ADGRF1: variants seen among roughly 807,000 people sequenced by gnomAD.
ADGRF1 encodes adhesion G protein-coupled receptor F1, also known as G protein-coupled receptor 110.
ADGRF1 carries 85 observed loss-of-function variants against 87.2 expected under a neutral mutation model. The ratio of observed to expected loss-of-function variants is 0.97; its 90% CI spans 0.82 to 1.17. The LOEUF (loss-of-function observed/expected upper bound fraction) is 1.17. Among genes scored for constraint, ADGRF1 ranks in the 50% most tolerant of loss-of-function variants. The pLI is 0.00. For missense variants in ADGRF1, 1,169 were observed against 1,077.2 expected (o/e 1.09, Z -1.19); for synonymous variants, 430 against 408.8 (o/e 1.05, Z -0.63).
intron 10 of ADGRF1, among the ~76,000 whole-genome samples, chr6:47,011,159 G>A (rs1318474926): frequency 6.6e-6 from 1 of 151,956 alleles, no homozygotes; most frequent in African/African-American, 2.4e-5. Flanking sequence ...TAGCATTTTT[G>A]TGTCATTTTG....
intron 13 of ADGRF1, among the ~76,000 whole-genome samples, chr6:47,004,380 C>A (rs1490087721): frequency 6.6e-6 from 1 of 152,142 alleles, no homozygotes; most frequent in East Asian, 1.9e-4. Flanking sequence ...AACAAAATCT[C>A]ATTTTTGTCA....
chr6:47,005,968 T>C (rs1042410016), intron 12 of ADGRF1, 92 bp from the exon 13 acceptor site: 1 of 730,580 alleles, frequency 1.4e-6, no homozygotes, highest in Non-Finnish European at 2.3e-6. Context: ...GGTTATTTAA[T>C]AGTATTATTT....
rs1780333048 is a variant in ADGRF1 at position 47,029,040 on chromosome 6, G to C, written c.22C>G (p.Leu8Val). 1.2e-6 allele frequency: 2 copies of C among 1,613,994 alleles called. No homozygotes were observed. ...TCAGTGAAGGTGAAGAAAGAAATGAGCCACAGCACTCCAACTTTCATTTTC... is the reference window on the plus strand; with the variant it reads ...TCAGTGAAGGTGAAGAAAGAAATGACCCACAGCACTCCAACTTTCATTTTC... MKVGVLWLISFFTFTDGH... is the reference protein window; with the variant it reads MKVGVLWVISFFTFTDGH... The change falls in exon 2 of 15, where the codon CTC becomes GTC. Residue 8 changes from leucine (L) to valine (V), a missense_variant. By Grantham distance (32) the Leu-to-Val change is conservative. Transcript: ENST00000371253.
chr6:47,027,826 TGA>T, intron 2 of ADGRF1, 65 bp from the exon 3 acceptor site: 1 of 944,404 alleles, frequency 1.1e-6, no homozygotes, highest in Non-Finnish European at 1.7e-6. Context: ...AAGGCCTTGC[TGA>T]GTTTCCCAGA....
At position 46,999,821 on chromosome 6, in the gene ADGRF1, C is replaced by T. The variant is rs1421961461; in HGVS notation, c.*401G>A. The T allele has an allele frequency of 2.0e-5, 3 of 153,222 alleles. No individual in the cohort carries two copies. Among genetic ancestry groups the T allele is most frequent in the African/African-American group, 7.2e-5 (3 of 41,480 alleles). The allele number at this position is 153,222 out of a possible 1,614,324, so 9.5% of individuals were successfully genotyped here. Reference sequence around the variant, plus strand: ...CATCCCCCCACCAGTAACTTTTTGACAAGAAAATGAACGTGGCCTATTAAT... The same window carrying T: ...CATCCCCCCACCAGTAACTTTTTGATAAGAAAATGAACGTGGCCTATTAAT... On this transcript the variant is annotated 3_prime_UTR_variant, in exon 15 of 15. Transcript: ENST00000371253.
chr6:47,009,399 C>G lies in ADGRF1; in HGVS notation c.2036G>C (p.Gly679Ala). The change falls in exon 11 of 15, where the codon GGC becomes GCC. Residue 679 changes from glycine (G) to alanine (A), a missense_variant. Gly to Ala is a moderately conservative substitution (Grantham distance 60). Transcript: ENST00000371253. ...LSLFFWMLML[G>A]ILLAYRIILV... ...GATGATCCGGTAAGCCAGCAGGATGCCAAGCATGAGCATCCAGAAGAACAA... is the reference window on the plus strand; with the variant it reads ...GATGATCCGGTAAGCCAGCAGGATGGCAAGCATGAGCATCCAGAAGAACAA... The G allele has an allele frequency of 3.7e-6, 6 of 1,613,918 alleles. No homozygotes were observed. Among genetic ancestry groups the G allele is most frequent in the Non-Finnish European group, 5.1e-6 (6 of 1,179,960 alleles).
At chr6:47,019,542 G>A (rs920935147) in intron 7 of ADGRF1, 5 of 287,078 alleles carry the variant, frequency 1.7e-5, no homozygotes, top group Non-Finnish European at 2.6e-5. Context: ...AAATTAGCCA[G>A]GCGTGGTGGC....
chr6:47,014,577 T>C, intron 9 of ADGRF1, 104 bp downstream of exon 9: 2 of 1,517,356 alleles, frequency 1.3e-6, no homozygotes, highest in Non-Finnish European at 1.8e-6. Context: ...TACTGGCCAA[T>C]GATGCACGTA....
intron 8 of ADGRF1, among the ~76,000 whole-genome samples, chr6:47,015,713 G>A (rs890575971): frequency 1.3e-5 from 2 of 151,076 alleles, no homozygotes; most frequent in East Asian, 3.9e-4. Context: ...TTGGCCTCTC[G>A]AGTAGCTGGG....
chr6:47,041,446 A>C (rs771197474), intron 1 of ADGRF1, among the ~76,000 whole-genome samples: 2 of 152,212 alleles, frequency 1.3e-5, no homozygotes, highest in Non-Finnish European at 2.9e-5. Flanking sequence ...CCTTCTTTCT[A>C]TATCTCCTTC....
Position 47,017,097 on chromosome 6 carries a change from A to T in ADGRF1, c.612-329T>A, listed in dbSNP as rs868278083. The T allele has an allele frequency of 5.4e-4, 83 of 153,752 alleles. 1 individual carries two copies. The highest frequency in any genetic ancestry group is 7.1e-4 in the Non-Finnish European group (49 of 69,032). The allele number at this position is 153,752 out of a possible 1,614,324, so 9.5% of individuals were successfully genotyped here. Reference sequence around the variant, plus strand: ...CCAGCTATGCAAAGAAGAAAAGGCCAGCTATGCAAAGAACACTGGTGTGGA... The same window carrying T: ...CCAGCTATGCAAAGAAGAAAAGGCCTGCTATGCAAAGAACACTGGTGTGGA... On this transcript the variant is annotated intron_variant, in intron 7 of 14. Transcript: ENST00000371253.
Position 47,018,487 on chromosome 6 carries a change from T to C in ADGRF1, c.612-1719A>G, listed in dbSNP as rs1418910112. 9 of 1,289,682 alleles carry C rather than the reference T, an allele frequency of 7.0e-6. No individual in the cohort carries two copies. In the Admixed American group the frequency reaches 9.2e-5, roughly 13 times the overall value. The allele number at this position is 1,289,682 out of a possible 1,614,324, so 79.9% of individuals were successfully genotyped here. On this transcript the variant is annotated intron_variant, in intron 7 of 14. Coordinates refer to ENST00000371253, the MANE Select transcript of ADGRF1 (RefSeq NM_153840.4). Reference sequence around the variant, plus strand: ...TAATGATGGTCACAATACCTTTGTATTGATATGTCCATTCTATTGATTACA... The same window carrying C: ...TAATGATGGTCACAATACCTTTGTACTGATATGTCCATTCTATTGATTACA...
At chr6:47,032,840 C>A (rs1434353188) in intron 1 of ADGRF1, among the ~76,000 whole-genome samples, 1 of 152,126 alleles carries the variant, frequency 6.6e-6, no homozygotes, top group Non-Finnish European at 1.5e-5. Context: ...GGCCATCACT[C>A]TGGAAATGGA....
At chr6:47,023,807 G>A (rs1780144045) in intron 5 of ADGRF1, among the ~76,000 whole-genome samples, 1 of 152,186 alleles carries the variant, frequency 6.6e-6, no homozygotes, top group African/African-American at 2.4e-5. Context: ...TGATTGCAGA[G>A]CTGAGCTGGA....
rs563820191 is a variant in ADGRF1, at chr6:47,009,085, C to T, written c.2350G>A (p.Ala784Thr). 7 of 1,614,080 alleles carry T rather than the reference C, an allele frequency of 4.3e-6. No individual in the cohort carries two copies. The highest frequency in any genetic ancestry group is 4.0e-5 in the African/African-American group (3 of 75,018). Reference sequence around the variant, plus strand: ...CTCTTCCCCACGCGGATGATGGTGGCCTTGTCATCCCGACTCAGTCTTTCC... The same window carrying T: ...CTCTTCCCCACGCGGATGATGGTGGTCTTGTCATCCCGACTCAGTCTTTCC... Reference protein sequence around the residue: ...VGERLSRDDKATIIRVGKSLL... With the variant: ...VGERLSRDDKTTIIRVGKSLL... Residue 784 changes from alanine to threonine, a missense_variant, in exon 11 of 15, where the codon GCC becomes ACC. Ala to Thr is a moderately conservative substitution (Grantham distance 58). Coordinates refer to ENST00000371253, the MANE Select transcript of ADGRF1 (RefSeq NM_153840.4).
chr6:47,016,017 C>T (rs765226146), intron 8 of ADGRF1, among the ~76,000 whole-genome samples: 9 of 152,082 alleles, frequency 5.9e-5, no homozygotes, highest in Non-Finnish European at 1.0e-4. Flanking sequence ...GGATTATAGA[C>T]GTGAGCCACT....
At position 47,020,612 on chromosome 6, in the gene ADGRF1, A is replaced by G. The variant is rs138766239; in HGVS notation, c.611+119T>C. The G allele has an allele frequency of 8.4e-6, 13 of 1,546,126 alleles. No individual in the cohort carries two copies. The East Asian group carries it at 2.6e-4, about 30-fold the overall frequency. On this transcript the variant is annotated intron_variant, in intron 7 of 14. Coordinates refer to ENST00000371253, the MANE Select transcript of ADGRF1 (RefSeq NM_153840.4). ...TCCTTGTTCACTTAGTAAAAATCCT[A>G]CTATAAAGATGACTTCTGTCCTGTT...
chr6:47,001,390 C>T (rs1779359582), intron 14 of ADGRF1, 111 bp downstream of exon 14: 1 of 847,926 alleles, frequency 1.2e-6, no homozygotes, highest in Admixed American at 2.7e-5. Flanking sequence ...GGCTGATAAT[C>T]CCACACTTCT....
At chr6:47,041,399 C>T (rs898519419) in intron 1 of ADGRF1, among the ~76,000 whole-genome samples, 20 of 152,058 alleles carry the variant, frequency 1.3e-4, no homozygotes, top group African/African-American at 4.8e-4. Flanking sequence ...CATGAAAAAG[C>T]CAAGGTCATC....
Sources: gnomAD v4.1 joint callset for allele counts (sites outside exome capture counted in the v4.1 genomes callset) on GRCh38, gnomAD v4.1.1 for gene constraint, MANE v1.5 for transcripts, NCBI Gene and HGNC (gene_info 2026-07-23, HGNC 2026-07-21) for gene names.